The following SLC6A6 variants were observed in gnomAD, a reference collection of about 807,000 sequenced individuals.
SLC6A6 encodes solute carrier family 6 member 6, also known as sodium- and chloride-dependent taurine transporter.
Under a neutral mutation model 68.8 loss-of-function variants are expected in SLC6A6, and 16 were observed. That is an observed-to-expected ratio of 0.23 (90% CI 0.16 to 0.35). The LOEUF is 0.35. SLC6A6 is among the 10% of genes least tolerant of loss of function. The pLI, the probability that SLC6A6 is intolerant of heterozygous loss-of-function variation, is 1.00. For missense variants in SLC6A6, 474 were observed against 802.8 expected (o/e 0.59, Z 4.95); for synonymous variants, 312 against 315.4 (o/e 0.99, Z 0.12).
chr3:14,483,660 G>A (rs1401334695), intron 14 of SLC6A6, among the ~76,000 whole-genome samples: 2 of 152,186 alleles, frequency 1.3e-5, no homozygotes, highest in Non-Finnish European at 2.9e-5. Flanking sequence ...GCCAGATCTT[G>A]CAGCTTTTCA....
At chr3:14,413,247 C>G (rs1352047754) in intron 1 of SLC6A6, among the ~76,000 whole-genome samples, 1 of 152,188 alleles carries the variant, frequency 6.6e-6, no homozygotes, top group African/African-American at 2.4e-5. Context: ...ACAGCCTCCC[C>G]CATTATTTAA....
At chr3:14,461,685 TC>T (rs1404928774) in intron 6 of SLC6A6, among the ~76,000 whole-genome samples, 1 of 152,146 alleles carries the variant, frequency 6.6e-6, no homozygotes, top group Non-Finnish European at 1.5e-5. Context: ...TAGCTCTGGA[TC>T]CCCCAGACTG....
intron 2 of SLC6A6, among the ~76,000 whole-genome samples, chr3:14,425,911 C>T (rs771693000): frequency 7.9e-5 from 12 of 151,898 alleles, no homozygotes; most frequent in East Asian, 1.9e-4. Flanking sequence ...TTAGTAATCA[C>T]GGCAGGTATG....
At chr3:14,465,093 C>T (rs956920036) in intron 6 of SLC6A6, among the ~76,000 whole-genome samples, 1 of 152,170 alleles carries the variant, frequency 6.6e-6, no homozygotes, top group African/African-American at 2.4e-5. Context: ...GACGTTCCTA[C>T]TCAGCCAGTG....
chr3:14,472,235 A>C lies in SLC6A6; in HGVS notation c.1127A>C (p.Lys376Thr). ...GGCCTGGCCTTCATTGCCTACCCAA[A>C]AGCTGTGACAATGATGCCGCTGCCC... Reference protein sequence around the residue: ...GPGLAFIAYPKAVTMMPLPTF... With the variant: ...GPGLAFIAYPTAVTMMPLPTF... Residue 376 changes from lysine to threonine, a missense_variant, in exon 10 of 15, where the codon AAA becomes ACA. Coordinates refer to ENST00000622186, the MANE Select transcript of SLC6A6 (RefSeq NM_003043.6). This position sits in a 1 kb window ranked among gnomAD's most constrained non-coding sequence, Gnocchi z 4.5. The C allele has an allele frequency of 1.2e-6, 2 of 1,613,658 alleles. No homozygotes were observed. Among genetic ancestry groups the C allele is most frequent in the Non-Finnish European group, 1.7e-6 (2 of 1,179,654 alleles).
intron 2 of SLC6A6, among the ~76,000 whole-genome samples, chr3:14,430,041 G>A (rs1281735169): frequency 6.6e-6 from 1 of 152,158 alleles, no homozygotes; most frequent in Non-Finnish European, 1.5e-5. Context: ...GGGTCTTCCA[G>A]GTGGGTGGGA....
chr3:14,437,934 T>C (rs542151973), intron 2 of SLC6A6, among the ~76,000 whole-genome samples: 1 of 151,860 alleles, frequency 6.6e-6, no homozygotes, highest in African/African-American at 2.4e-5. Context: ...TTCCAGCGAT[T>C]CTTCTGCCGT....
chr3:14,404,721 GA>G (rs1699067400), intron 1 of SLC6A6, among the ~76,000 whole-genome samples: 1 of 152,258 alleles, frequency 6.6e-6, no homozygotes, highest in South Asian at 2.1e-4. Context: ...GGGATTGAGG[GA>G]GATGAGGCTG....
chr3:14,471,193 G>T (rs1172196547), intron 9 of SLC6A6, among the ~76,000 whole-genome samples: 1 of 131,448 alleles, frequency 7.6e-6, no homozygotes, highest in Non-Finnish European at 1.5e-5. Context: ...TCGCTTCTCA[G>T]ACCCACAGGT....
rs11713355 is a variant in SLC6A6, at chr3:14,486,910, G to A, written c.*1903G>A. ...CCCAGTCCTATTCCAAACTCTCAAC[G>A]ATTCTATCTTGTTCCTGTTTTTCTA... On this transcript the variant is annotated 3_prime_UTR_variant, in exon 15 of 15. Transcript: ENST00000622186. 0.17 allele frequency: 25,312 copies of A among 152,188 alleles called. 2,255 individuals are homozygous for A. Among genetic ancestry groups the A allele is most frequent in the Middle Eastern group, 0.27 (78 of 294 alleles). The allele number at this position is 152,188 out of a possible 1,614,324, so 9.4% of individuals were successfully genotyped here. A position where few individuals can be genotyped will look rare whatever the true frequency, so the allele number is the denominator to read the frequency against.
intron 4 of SLC6A6, 127 bp downstream of exon 4, chr3:14,445,978 G>A: frequency 2.2e-6 from 2 of 920,044 alleles, no homozygotes; most frequent in East Asian, 5.2e-5. Context: ...GCTGACACAA[G>A]ATAGCAGCCA....
intron 1 of SLC6A6, among the ~76,000 whole-genome samples, chr3:14,407,823 C>T (rs1167322634): frequency 6.6e-6 from 1 of 152,192 alleles, no homozygotes; most frequent in Non-Finnish European, 1.5e-5. Flanking sequence ...TGATTTCTGT[C>T]ACCATAAATT....
At chr3:14,434,992 C>A (rs1316168419) in intron 2 of SLC6A6, among the ~76,000 whole-genome samples, 1 of 152,244 alleles carries the variant, frequency 6.6e-6, no homozygotes, top group Non-Finnish European at 1.5e-5. Flanking sequence ...GTCTATTAGA[C>A]TCATACCGTG....
chr3:14,433,735 C>T (rs1699784236), intron 2 of SLC6A6, among the ~76,000 whole-genome samples: 1 of 130,564 alleles, frequency 7.7e-6, no homozygotes, highest in Admixed American at 9.1e-5. Context: ...ACCCAGGTGG[C>T]GGAGGTTGCA....
At chr3:14,476,670 T>A (rs1700885602) in intron 10 of SLC6A6, among the ~76,000 whole-genome samples, 1 of 152,200 alleles carries the variant, frequency 6.6e-6, no homozygotes. Flanking sequence ...AGCAAGTTGG[T>A]GCTAAGGTCC....
chr3:14,413,278 C>T (rs1227143000), intron 1 of SLC6A6, among the ~76,000 whole-genome samples: 1 of 152,220 alleles, frequency 6.6e-6, no homozygotes, highest in Non-Finnish European at 1.5e-5. Flanking sequence ...GGGAACACAG[C>T]TGGCTGGAAG....
At chr3:14,412,714 G>A (rs971820567) in intron 1 of SLC6A6, among the ~76,000 whole-genome samples, 7 of 152,212 alleles carry the variant, frequency 4.6e-5, no homozygotes, top group African/African-American at 9.6e-5. Flanking sequence ...CACTGTGGAC[G>A]GTGCTGGTCT....
At chr3:14,428,522 T>G (rs906199623) in intron 2 of SLC6A6, among the ~76,000 whole-genome samples, 3 of 152,212 alleles carry the variant, frequency 2.0e-5, no homozygotes, top group African/African-American at 7.2e-5. Context: ...GCCTCACAAC[T>G]TAGGTACTGT....
intron 2 of SLC6A6, among the ~76,000 whole-genome samples, chr3:14,424,678 T>C (rs1444550626): frequency 6.6e-6 from 1 of 152,236 alleles, no homozygotes; most frequent in Non-Finnish European, 1.5e-5. Flanking sequence ...AACTGCCCCT[T>C]AAAGGTAGTG....
Sources: allele counts gnomAD v4.1 joint callset (sites outside exome capture counted in the v4.1 genomes callset), GRCh38; gene constraint gnomAD v4.1.1; non-coding constraint Gnocchi (gnomAD v3.1); transcripts MANE v1.5; gene names NCBI Gene and HGNC (gene_info 2026-07-23, HGNC 2026-07-21).